The following SYNE1 variants were observed in gnomAD, a reference collection of about 807,000 sequenced individuals.
The protein encoded by SYNE1 is spectrin repeat containing nuclear envelope protein 1, also known as nesprin-1.
A neutral mutation model predicts 1,111.0 loss-of-function variants in SYNE1; 616 were observed. That is an observed-to-expected ratio of 0.55 (90% CI 0.52 to 0.59). The LOEUF (loss-of-function observed/expected upper bound fraction) is 0.59. Among genes scored for constraint, SYNE1 ranks in the 20% least tolerant of loss-of-function variants. The probability of loss-of-function intolerance (pLI) is 0.00; values close to 1 mark genes in which losing one functional copy is unlikely to be tolerated. For missense variants in SYNE1, 10,006 were observed against 10,417.0 expected (o/e 0.96, Z 1.72); for synonymous variants, 3,855 against 3,825.8 (o/e 1.01, Z -0.28).
At chr6:152,143,978 A>C (rs917553217) in intron 137 of SYNE1, 25 of 638,120 alleles carry the variant, frequency 3.9e-5, no homozygotes, top group Middle Eastern at 8.7e-4. Flanking sequence ...GAGCCCTAGC[A>C]GATCGGACGT....
Position 152,323,698 on chromosome 6 carries a change from T to TATC in SYNE1, c.15694_15696dup (p.Asp5232dup), listed in dbSNP as rs1175752770. On this transcript the variant is annotated inframe_insertion, in exon 82 of 146. Coordinates refer to ENST00000367255, the MANE Select transcript of SYNE1 (RefSeq NM_182961.4). The stretch of plus-strand genomic sequence containing the variant: ...TTCTCTGCTGAACTTCCAGGTAACT[T>TATC]ATCTTGCAGCTGATCAATCATTTCA... The TATC allele has an allele frequency of 6.2e-7, 1 of 1,614,118 alleles. No individual in the cohort carries two copies. The highest frequency in any genetic ancestry group is 8.5e-7 in the Non-Finnish European group (1 of 1,180,048).
At chr6:152,576,387 C>T (rs2099496655) in intron 3 of SYNE1, among the ~76,000 whole-genome samples, 1 of 152,150 alleles carries the variant, frequency 6.6e-6, no homozygotes, top group Non-Finnish European at 1.5e-5. Context: ...GGTTTTTCTT[C>T]CAATCACTCA....
intron 3 of SYNE1, among the ~76,000 whole-genome samples, chr6:152,570,542 C>T (rs1320291770): frequency 6.6e-6 from 1 of 152,122 alleles, no homozygotes; most frequent in Admixed American, 6.5e-5. Context: ...TGCAGCCTTG[C>T]CAGCACTAGA....
intron 32 of SYNE1, among the ~76,000 whole-genome samples, chr6:152,437,271 G>T (rs1464712734): frequency 6.6e-6 from 1 of 152,212 alleles, no homozygotes; most frequent in Non-Finnish European, 1.5e-5. Context: ...TGTATCACAT[G>T]ATGGAAAGAG....
chr6:152,355,563 C>T (rs1008436295), intron 66 of SYNE1, among the ~76,000 whole-genome samples: 2 of 152,114 alleles, frequency 1.3e-5, no homozygotes, highest in African/African-American at 4.8e-5. Context: ...ATTTCCTCCA[C>T]CAAAGCCTAA....
At chr6:152,290,205 A>T (rs1404878371) in intron 95 of SYNE1, among the ~76,000 whole-genome samples, 1 of 152,234 alleles carries the variant, frequency 6.6e-6, no homozygotes, top group African/African-American at 2.4e-5. Flanking sequence ...CAGAGGGCTT[A>T]ACAGTCAGTA....
intron 51 of SYNE1, among the ~76,000 whole-genome samples, chr6:152,392,486 G>A (rs2097659736): frequency 6.6e-6 from 1 of 152,068 alleles, no homozygotes; most frequent in Non-Finnish European, 1.5e-5. Context: ...GGGTAGCATG[G>A]GATGTCTTAA....
At chr6:152,570,860 C>T (rs1385409007) in intron 3 of SYNE1, among the ~76,000 whole-genome samples, 1 of 152,126 alleles carries the variant, frequency 6.6e-6, no homozygotes, top group Non-Finnish European at 1.5e-5. Flanking sequence ...AAAACTCCTA[C>T]TCACAGCAAT....
At position 152,201,892 on chromosome 6, in the gene SYNE1, T is replaced by G; in HGVS notation, c.23077A>C (p.Lys7693Gln). 3 of 1,613,998 alleles carry G rather than the reference T, an allele frequency of 1.9e-6. No individual in the cohort carries two copies. The highest frequency in any genetic ancestry group is 8.5e-7 in the Non-Finnish European group (1 of 1,179,862). Residue 7693 changes from lysine to glutamine, a missense_variant, in exon 127 of 146, where the codon AAA becomes CAA. Around this residue, in one of 7 missense-constraint regions of SYNE1, gnomAD observed 2,182 missense variants for 2,287.8 expected, o/e 0.95. Transcript: ENST00000367255. ...ADSLEKLRTF[K>Q]KKLSQSLPDH... ...GGGAGAGACTGCGAAAGCTTCTTTT[T>G]GAAAGTTCGTAGTTTCTCCAGGGAA...
intron 5 of SYNE1, 113 bp downstream of exon 5, chr6:152,525,967 G>A (rs747704352): frequency 7.2e-5 from 68 of 939,898 alleles, no homozygotes; most frequent in Non-Finnish European, 1.1e-4. Context: ...TACCAACCAC[G>A]ACAAATAACT....
intron 101 of SYNE1, 143 bp from the exon 102 acceptor site, chr6:152,256,908 C>T: frequency 7.7e-7 from 1 of 1,290,534 alleles, no homozygotes; most frequent in Non-Finnish European, 1.1e-6. Context: ...CTACAACATA[C>T]CATGTCCACT....
In SYNE1 at chr6:152,326,600, T is replaced by G; in HGVS notation, c.14989A>C (p.Arg4997=). Residue 4997 remains arginine (R), a synonymous_variant, in exon 79 of 146, where the codon AGG becomes CGG. Coordinates refer to ENST00000367255, the MANE Select transcript of SYNE1 (RefSeq NM_182961.4). ...TLTEIYSQCQ[R]YYQVFQAAND... is the part of the protein sequence containing the mutation. ...GCTGCTTGAAATACCTGATAATACC[T>G]TTGACACTGGCTATATATTTCAGTC... 1 of 1,614,128 alleles carries G rather than the reference T, an allele frequency of 6.2e-7. No homozygotes were observed. Among genetic ancestry groups the G allele is most frequent in the Non-Finnish European group, 8.5e-7 (1 of 1,180,020 alleles).
Position 152,122,558 on chromosome 6 carries a change from G to A in SYNE1, c.26272C>T (p.Leu8758Phe). ...ALPLQLLLLL[L>F]IGLACLVPMS... ...GGTACAAGGCAGGCAAGCCCGATGA[G>A]GAGGAGCAGGAGAAGCTGAAGGGGA... The change falls in exon 146 of 146, where the codon CTC (leucine) becomes TTC (phenylalanine). Residue 8758 changes from leucine (L) to phenylalanine (F), a missense_variant. Leu to Phe is a conservative substitution (Grantham distance 22). Coordinates refer to ENST00000367255, the MANE Select transcript of SYNE1 (RefSeq NM_182961.4). 1 of 1,614,214 alleles carries A rather than the reference G, an allele frequency of 6.2e-7. No homozygotes were observed. The highest frequency in any genetic ancestry group is 1.1e-5 in the South Asian group (1 of 91,084).
At chr6:152,370,623 TA>T (rs1356025543) in intron 59 of SYNE1, among the ~76,000 whole-genome samples, 3 of 152,234 alleles carry the variant, frequency 2.0e-5, no homozygotes, top group Non-Finnish European at 4.4e-5. Flanking sequence ...TGTCTGCATC[TA>T]CTGTCTCTTA....
intron 4 of SYNE1, among the ~76,000 whole-genome samples, chr6:152,534,348 AC>A (rs1355873100): frequency 6.6e-6 from 1 of 152,142 alleles, no homozygotes; most frequent in Non-Finnish European, 1.5e-5. Context: ...AAATAAATTA[AC>A]AAATGCTATT....
chr6:152,256,512 C>T, intron 102 of SYNE1, 122 bp downstream of exon 102: 1 of 1,215,132 alleles, frequency 8.2e-7, no homozygotes. Context: ...CAGCGCTTAT[C>T]ACTAGTGTTG....
chr6:152,628,379 G>A lies in SYNE1; in HGVS notation c.-48C>T, dbSNP rs1191655083. On this transcript the variant is annotated 5_prime_UTR_variant, in exon 3 of 146. Transcript: ENST00000367255. The stretch of plus-strand genomic sequence containing the variant: ...CAACACCAAGAGACTCTTCACTGGA[G>A]GCAGCACAGGGCTACACCACTCTAG... The A allele has an allele frequency of 2.6e-6, 4 of 1,560,094 alleles. No individual in the cohort carries two copies. Among genetic ancestry groups the A allele is most frequent in the South Asian group, 1.1e-5 (1 of 90,042 alleles).
At chr6:152,367,184 T>C (rs1468661474) in intron 62 of SYNE1, 34 bp downstream of exon 62, 3 of 1,613,880 alleles carry the variant, frequency 1.9e-6, no homozygotes, top group South Asian at 1.1e-5. Flanking sequence ...ACAAATTCTG[T>C]AGGTTGGAGA....
rs755884587 is a variant in SYNE1 at position 152,419,729 on chromosome 6, A to T, written c.5268-7T>A. On this transcript the variant is annotated splice_polypyrimidine_tract_variant and splice_region_variant and intron_variant, in intron 39 of 145. Coordinates refer to ENST00000367255, the MANE Select transcript of SYNE1 (RefSeq NM_182961.4). ...AGACTGAAGAAAATTAATCCTATGTAGACAAAGTATTAAAGTTAAAATGTC... is the reference window on the plus strand; with the variant it reads ...AGACTGAAGAAAATTAATCCTATGTTGACAAAGTATTAAAGTTAAAATGTC... 6.2e-7 allele frequency: 1 copy of T among 1,613,646 alleles called. No homozygotes were observed. The highest frequency in any genetic ancestry group is 1.1e-5 in the South Asian group (1 of 91,068).
Sources: allele counts gnomAD v4.1 joint callset (sites outside exome capture counted in the v4.1 genomes callset), GRCh38; gene constraint gnomAD v4.1.1; regional missense constraint gnomAD v4.1.1; transcripts MANE v1.5; gene names NCBI Gene and HGNC (gene_info 2026-07-23, HGNC 2026-07-21).